The following MALRD1 variants were observed in gnomAD, a reference collection of about 807,000 sequenced individuals.
The protein encoded by MALRD1 is MAM and LDL receptor class A domain containing 1.
A neutral mutation model predicts 242.1 loss-of-function variants in MALRD1; 247 were observed. The ratio of observed to expected loss-of-function variants is 1.02; its 90% CI spans 0.92 to 1.13. MALRD1 has a LOEUF of 1.13. MALRD1 is among the 50% of genes most tolerant of loss of function. MALRD1 has a pLI of 0.00. For synonymous variants in MALRD1, 995 were observed against 866.6 expected (o/e 1.15, Z -2.60); for missense variants, 2,989 against 2,533.1 (o/e 1.18, Z -3.86).
intron 10 of MALRD1, among the ~76,000 whole-genome samples, chr10:19,138,049 G>T (rs917427908): frequency 6.6e-6 from 1 of 152,168 alleles, no homozygotes; most frequent in Non-Finnish European, 1.5e-5. Context: ...TTTCTCTTGG[G>T]AAGCTTGGAT....
chr10:19,562,305 A>ATAGG (rs1264055407), intron 32 of MALRD1, among the ~76,000 whole-genome samples: 1 of 120,752 alleles, frequency 8.3e-6, no homozygotes, highest in East Asian at 2.2e-4. Flanking sequence ...AGGTAGATAG[A>ATAGG]TAGATAGATA....
At chr10:19,520,769 A>G (rs565038302) in intron 31 of MALRD1, among the ~76,000 whole-genome samples, 1 of 152,098 alleles carries the variant, frequency 6.6e-6, no homozygotes, top group African/African-American at 2.4e-5. Context: ...AACCCTGATT[A>G]TCTACAGCTG....
chr10:19,184,389 C>T (rs546840219), intron 14 of MALRD1, among the ~76,000 whole-genome samples: 17 of 152,184 alleles, frequency 1.1e-4, no homozygotes, highest in East Asian at 1.9e-4. Context: ...TTCTCCTGGA[C>T]GGGTTATTTG....
At chr10:19,719,223 CATATATATATATATATAT>C (rs368394538) in intron 38 of MALRD1, among the ~76,000 whole-genome samples, 13 of 76,444 alleles carry the variant, frequency 1.7e-4, no homozygotes, top group South Asian at 3.9e-4. Flanking sequence ...CACATACATA[CATATATATATATATATAT>C]ATATATATAT....
In MALRD1 at chr10:19,309,649, T is replaced by A. The variant is rs552474919; in HGVS notation, c.3420-14300T>A. ...GTTTAATACTGAGAAATGTATGGCATGAACTAGCTGGTTAAAAGTATTCTA... is the reference window on the plus strand; with the variant it reads ...GTTTAATACTGAGAAATGTATGGCAAGAACTAGCTGGTTAAAAGTATTCTA... On this transcript the variant is annotated intron_variant, in intron 21 of 39. Transcript: ENST00000454679. Among the ~76,000 whole-genome samples, 10 of 151,666 alleles carry A rather than the reference T, an allele frequency of 6.6e-5. No homozygotes were observed. The South Asian group carries it at 1.9e-3, about 28-fold the overall frequency.
intron 21 of MALRD1, among the ~76,000 whole-genome samples, chr10:19,313,996 G>A (rs897215958): frequency 2.0e-5 from 3 of 151,524 alleles, no homozygotes; most frequent in Non-Finnish European, 4.4e-5. Flanking sequence ...AATTGTAAGT[G>A]TATTTTCAAA....
intron 26 of MALRD1, among the ~76,000 whole-genome samples, chr10:19,368,085 T>A (rs1453128440): frequency 6.6e-6 from 1 of 152,128 alleles, no homozygotes; most frequent in Non-Finnish European, 1.5e-5. Context: ...TTGTTTTCTT[T>A]GCTATGCTAA....
intron 35 of MALRD1, among the ~76,000 whole-genome samples, chr10:19,609,646 A>G (rs982103377): frequency 2.0e-5 from 3 of 152,088 alleles, no homozygotes; most frequent in Non-Finnish European, 2.9e-5. Context: ...TAGATGTTGC[A>G]GGCTACATAT....
intron 10 of MALRD1, among the ~76,000 whole-genome samples, chr10:19,142,479 T>C (rs1438429462): frequency 6.6e-6 from 1 of 152,208 alleles, no homozygotes; most frequent in Non-Finnish European, 1.5e-5. Flanking sequence ...AATGAAATTC[T>C]TTCTTGTCTG....
intron 4 of MALRD1, among the ~76,000 whole-genome samples, chr10:19,098,369 C>T (rs911736542): frequency 6.6e-6 from 1 of 152,034 alleles, no homozygotes; most frequent in South Asian, 2.1e-4. Flanking sequence ...CTGAAGAGTT[C>T]TCAGCAGCCT....
At chr10:19,239,534 C>A (rs1194348642) in intron 18 of MALRD1, among the ~76,000 whole-genome samples, 1 of 152,024 alleles carries the variant, frequency 6.6e-6, no homozygotes, top group East Asian at 1.9e-4. Flanking sequence ...GCTTTTGTTG[C>A]CTGTGCTTTT....
At chr10:19,309,674 A>T (rs1022495210) in intron 21 of MALRD1, among the ~76,000 whole-genome samples, 2 of 151,692 alleles carry the variant, frequency 1.3e-5, no homozygotes, top group African/African-American at 2.4e-5. Flanking sequence ...AAAGTATTCT[A>T]AAAAGAGTTG....
chr10:19,688,416 C>T (rs546271917), intron 36 of MALRD1, among the ~76,000 whole-genome samples: 2 of 152,186 alleles, frequency 1.3e-5, no homozygotes, highest in Admixed American at 1.3e-4. Context: ...GGGCACACCA[C>T]CTTGCATGGC....
chr10:19,459,753 T>C (rs1022421770), intron 29 of MALRD1, among the ~76,000 whole-genome samples: 3 of 151,602 alleles, frequency 2.0e-5, no homozygotes, highest in Non-Finnish European at 4.4e-5. Context: ...TAAAAAGGTC[T>C]ATATTTAAAA....
chr10:19,414,705 G>A (rs949427180), intron 28 of MALRD1, among the ~76,000 whole-genome samples: 1 of 151,856 alleles, frequency 6.6e-6, no homozygotes, highest in Admixed American at 6.6e-5. Flanking sequence ...AGGGCTTTGT[G>A]AAAGCTGTTG....
At chr10:19,206,980 A>C (rs781054330) in intron 17 of MALRD1, among the ~76,000 whole-genome samples, 18 of 152,140 alleles carry the variant, frequency 1.2e-4, no homozygotes, top group Non-Finnish European at 2.6e-4. Flanking sequence ...TATCAAAAGA[A>C]AGCTCATCTC....
chr10:19,128,508 T>A (rs1837351576), intron 8 of MALRD1, 121 bp downstream of exon 8: 1 of 572,762 alleles, frequency 1.7e-6, no homozygotes, highest in Non-Finnish European at 2.6e-6. Flanking sequence ...TGACTTTACT[T>A]GGTATACTTT....
At chr10:19,699,277 A>AGAAAGGAGGGAAAGGAGG (rs71388858) in intron 38 of MALRD1, among the ~76,000 whole-genome samples, 2,861 of 144,498 alleles carry the variant, frequency 0.02, 137 homozygotes, top group African/African-American at 0.069. Context: ...TGTACTGTGG[A>AGAAAGGAGGGAAAGGAGG]GAAAGGAGGG....
chr10:19,282,086 C>T (rs2131884489), intron 20 of MALRD1, among the ~76,000 whole-genome samples: 1 of 151,314 alleles, frequency 6.6e-6, no homozygotes, highest in South Asian at 2.1e-4. Flanking sequence ...TCCCTAGAAC[C>T]TATTCATCTT....
Sources: gnomAD v4.1 joint callset for allele counts (sites outside exome capture counted in the v4.1 genomes callset) on GRCh38, gnomAD v4.1.1 for gene constraint, MANE v1.5 for transcripts, NCBI Gene and HGNC (gene_info 2026-07-23, HGNC 2026-07-21) for gene names.